Variants in SENP1 observed in about 807,000 individuals in gnomAD.
The protein encoded by SENP1 is SUMO specific peptidase 1, also known as sentrin-specific protease 1.
SENP1 carries 21 observed loss-of-function variants against 93.0 expected under a neutral mutation model. The ratio of observed to expected loss-of-function variants is 0.23; its 90% CI spans 0.16 to 0.33. SENP1 has a LOEUF of 0.33. SENP1 is among the 10% of genes least tolerant of loss of function. SENP1 has a pLI of 1.00. For missense variants in SENP1, 591 were observed against 758.7 expected, an observed-to-expected ratio of 0.78 and a Z score of 2.60; for synonymous variants, 256 against 259.6, an observed-to-expected ratio of 0.99 and a Z score of 0.13.
rs1294768804 is a variant in SENP1, at chr12:48,043,367, C to G, written c.*1955G>C. 1 of 152,628 alleles carries G rather than the reference C, an allele frequency of 6.6e-6. No individual in the cohort carries two copies. The allele number at this position is 152,628 out of a possible 1,614,324, so 9.5% of individuals were successfully genotyped here. On this transcript the variant is annotated 3_prime_UTR_variant, in exon 18 of 18. Transcript: ENST00000549518. ...AATAAATACAGAGAACAATCTTGTT[C>G]TGAGTCCCCCAGACAATAGTGAAAG...
At chr12:48,098,961 T>TA (rs1303079456) in intron 2 of SENP1, 18 of 152,196 alleles carry the variant, frequency 1.2e-4, no homozygotes, top group African/African-American at 4.1e-4. Flanking sequence ...CATTTGGAAT[T>TA]AATTGAGGCC....
chr12:48,072,687 G>A (rs1943791055), intron 8 of SENP1, among the ~76,000 whole-genome samples: 1 of 151,996 alleles, frequency 6.6e-6, no homozygotes. Flanking sequence ...TAAAGTTTTT[G>A]ATTTAATAAG....
At chr12:48,084,447 G>GTTTTTTTTTTT (rs5798059) in intron 5 of SENP1, among the ~76,000 whole-genome samples, 4 of 109,448 alleles carry the variant, frequency 3.7e-5, no homozygotes, top group Admixed American at 1.1e-4. Context: ...CTAATTTTGA[G>GTTTTTTTTTTT]TTTTTTTTTT....
intron 13 of SENP1, among the ~76,000 whole-genome samples, chr12:48,059,845 C>T (rs1238572798): frequency 6.6e-6 from 1 of 152,076 alleles, no homozygotes; most frequent in Non-Finnish European, 1.5e-5. Context: ...GAGGCAATAC[C>T]CCTCTGAAGA....
chr12:48,104,196 G>A (rs1294641431), intron 1 of SENP1, among the ~76,000 whole-genome samples: 4 of 141,540 alleles, frequency 2.8e-5, no homozygotes, highest in South Asian at 2.3e-4. Context: ...GGGTGACAGA[G>A]CGAGACTCTG....
At chr12:48,089,715 T>C (rs1180525236) in intron 4 of SENP1, among the ~76,000 whole-genome samples, 1 of 152,190 alleles carries the variant, frequency 6.6e-6, no homozygotes, top group Non-Finnish European at 1.5e-5. Flanking sequence ...CCTCTCCCTA[T>C]CTGCAGAATT....
At chr12:48,089,136 AACTAT>A (rs1945069648) in intron 4 of SENP1, 176 bp from the exon 5 acceptor site, 1 of 1,575,368 alleles carries the variant, frequency 6.3e-7, no homozygotes, top group Non-Finnish European at 8.6e-7. Context: ...AACTTCTACA[AACTAT>A]AATTGATTCA....
chr12:48,066,361 TTTA>T (rs1943293543), intron 10 of SENP1, among the ~76,000 whole-genome samples: 1 of 152,188 alleles, frequency 6.6e-6, no homozygotes. Context: ...AATAGGATCA[TTTA>T]TTTTCCCTAT....
At chr12:48,065,513 AC>A in intron 11 of SENP1, 82 bp downstream of exon 11, 1 of 881,448 alleles carries the variant, frequency 1.1e-6, no homozygotes. Context: ...AACAGCAATT[AC>A]CCAAATCTGG....
At chr12:48,085,000 T>C (rs538484765) in intron 5 of SENP1, 1 of 805,606 alleles carries the variant, frequency 1.2e-6, no homozygotes, top group South Asian at 1.9e-5. Context: ...GTACGTGTGT[T>C]AAGAATGGGG....
chr12:48,045,142 G>T lies in SENP1; in HGVS notation c.*180C>A. 1 of 583,118 alleles carries T rather than the reference G, an allele frequency of 1.7e-6. No individual in the cohort carries two copies. The allele number at this position is 583,118 out of a possible 1,614,324, so 36.1% of individuals were successfully genotyped here. A position where few individuals can be genotyped will look rare whatever the true frequency, so the allele number is the denominator to read the frequency against. On this transcript the variant is annotated 3_prime_UTR_variant, in exon 18 of 18. Coordinates refer to ENST00000549518, the MANE Select transcript of SENP1 (RefSeq NM_001267594.2). ...GCACCAAAGTTTCTTTGCAAAAATA[G>T]TATCTGAGATACAAAAGGAAAGGCA...
At chr12:48,066,888 A>T in intron 10 of SENP1, 39 bp downstream of exon 10, 1 of 1,440,336 alleles carries the variant, frequency 6.9e-7, no homozygotes, top group Non-Finnish European at 9.6e-7. Context: ...CTAAAAATGA[A>T]CTGATTGAGA....
chr12:48,086,475 C>T (rs1188647417), intron 5 of SENP1, among the ~76,000 whole-genome samples: 3 of 152,120 alleles, frequency 2.0e-5, no homozygotes, highest in Admixed American at 2.0e-4. Flanking sequence ...ATTCAAGTCA[C>T]ACGGGAAAAA....
chr12:48,063,871 A>C, intron 12 of SENP1, 30 bp from the exon 13 acceptor site: 1 of 1,593,160 alleles, frequency 6.3e-7, no homozygotes, highest in East Asian at 2.2e-5. Flanking sequence ...CAAGACATCA[A>C]ACACGCGTGG....
Position 48,049,030 on chromosome 12 carries a change from C to A in SENP1, c.1510G>T (p.Ala504Ser), listed in dbSNP as rs777894058. 5.0e-6 allele frequency: 8 copies of A among 1,613,622 alleles called. No individual in the cohort carries two copies. Among genetic ancestry groups the A allele is most frequent in the Non-Finnish European group, 6.8e-6 (8 of 1,179,718 alleles). ...CAACGTTTCACTGCCTGATAACCAG[C>A]CGTTTTTAATTTAGTGAAGAAAAAG... ...NTFFFTKLKT[A>S]GYQAVKRWTK... Residue 504 changes from alanine (A) to serine (S), a missense_variant, in exon 14 of 18, where the codon GCT becomes TCT. Around this residue, in one of 4 missense-constraint regions of SENP1, gnomAD observed 132 missense variants for 230.1 expected, o/e 0.57. Coordinates refer to ENST00000549518, the MANE Select transcript of SENP1 (RefSeq NM_001267594.2).
chr12:48,092,923 T>C (rs951221674), intron 4 of SENP1, among the ~76,000 whole-genome samples: 3 of 152,236 alleles, frequency 2.0e-5, no homozygotes, highest in South Asian at 2.1e-4. Context: ...AAAAAAGCTC[T>C]ATATACCAAT....
intron 9 of SENP1, among the ~76,000 whole-genome samples, chr12:48,071,355 C>T (rs1279654854): frequency 3.0e-5 from 4 of 134,916 alleles, no homozygotes; most frequent in Non-Finnish European, 3.6e-5. Context: ...GTGGCTCACG[C>T]CTGTAATCCC....
chr12:48,102,976 A>C (rs1946057516), intron 1 of SENP1, among the ~76,000 whole-genome samples: 1 of 152,166 alleles, frequency 6.6e-6, no homozygotes, highest in African/African-American at 2.4e-5. Context: ...TTTACTAAAA[A>C]TTCTTCAGGT....
Position 48,098,643 on chromosome 12 carries a change from C to CAAA in SENP1, c.5-522_5-520dup, listed in dbSNP as rs749908469. 8.0e-3 allele frequency among the ~76,000 whole-genome samples: 869 copies of CAAA among 109,290 alleles called. 9 individuals are homozygous for CAAA. Among genetic ancestry groups the CAAA allele is most frequent in the Middle Eastern group, 0.026 (5 of 192 alleles). 71.7% of individuals were successfully genotyped at this position (109,290 alleles called of 152,430 possible). A position where few individuals can be genotyped will look rare whatever the true frequency, so the allele number is the denominator to read the frequency against. On this transcript the variant is annotated intron_variant, in intron 2 of 17. Coordinates refer to ENST00000549518, the MANE Select transcript of SENP1 (RefSeq NM_001267594.2). ...GGGCAACAAGAGCAAAACTCCATCT[C>CAAA]AAAAAAAAAAAAAAAAAGTTAGCCA...
Sources: allele counts gnomAD v4.1 joint callset (sites outside exome capture counted in the v4.1 genomes callset), GRCh38; gene constraint gnomAD v4.1.1; regional missense constraint gnomAD v4.1.1; transcripts MANE v1.5; gene names NCBI Gene and HGNC (gene_info 2026-07-23, HGNC 2026-07-21).